Variants in LRSAM1 observed in about 807,000 individuals in gnomAD.
LRSAM1 encodes E3 ubiquitin-protein ligase LRSAM1.
Under a neutral mutation model 118.1 loss-of-function variants are expected in LRSAM1, and 96 were observed. The ratio of observed to expected loss-of-function variants is 0.81; its 90% CI spans 0.69 to 0.96. LRSAM1 has a LOEUF of 0.96. Ranked by LOEUF, LRSAM1 falls within the 40% of genes least tolerant of loss-of-function variation. The probability of loss-of-function intolerance (pLI) is 0.00; values close to 1 mark genes in which losing one functional copy is unlikely to be tolerated. For synonymous variants in LRSAM1, 322 were observed against 364.2 expected, an observed-to-expected ratio of 0.88 and a Z score of 1.32; for missense variants, 804 against 915.5, an observed-to-expected ratio of 0.88 and a Z score of 1.57.
chr9:127,482,972 T>C lies in LRSAM1; in HGVS notation c.1111T>C (p.Ser371Pro). ...TAGAATAAGAATGGAACAGTTGATG[T>C]CCATAACCCAGGAGGAGACTGAGAG... Reference protein sequence around the residue: ...NERIRMEQLMSITQEETESLR... With the variant: ...NERIRMEQLMPITQEETESLR... Residue 371 changes from serine to proline, a missense_variant, in exon 16 of 26, where the codon TCC (serine) becomes CCC (proline). Transcript: ENST00000300417. 1.3e-6 allele frequency: 2 copies of C among 1,568,024 alleles called. No homozygotes were observed. The highest frequency in any genetic ancestry group is 4.7e-5 in the East Asian group (2 of 42,524).
intron 9 of LRSAM1, among the ~76,000 whole-genome samples, chr9:127,467,321 G>A (rs1383141339): frequency 6.6e-6 from 1 of 152,230 alleles, no homozygotes; most frequent in African/African-American, 2.4e-5. Flanking sequence ...TAAATGCAGG[G>A]GCTTTATGTG....
chr9:127,471,370 C>T (rs918373909), intron 10 of LRSAM1, among the ~76,000 whole-genome samples: 1 of 144,782 alleles, frequency 6.9e-6, no homozygotes, highest in East Asian at 2.1e-4. Context: ...GCTCGGGAGT[C>T]TTAGGTGGGA....
At chr9:127,494,627 A>T (rs1056171481) in intron 21 of LRSAM1, among the ~76,000 whole-genome samples, 2 of 152,208 alleles carry the variant, frequency 1.3e-5, no homozygotes, top group African/African-American at 4.8e-5. Flanking sequence ...CTCAACGAAG[A>T]GTTATCGAAT....
intron 6 of LRSAM1, 83 bp from the exon 7 acceptor site, chr9:127,458,920 C>A: frequency 1.4e-6 from 2 of 1,399,934 alleles, no homozygotes; most frequent in Non-Finnish European, 2.0e-6. Context: ...TGTGAGGTGG[C>A]CCCAGCCCCT....
At chr9:127,461,382 G>T (rs1368005356) in intron 8 of LRSAM1, 125 bp downstream of exon 8, 1 of 764,776 alleles carries the variant, frequency 1.3e-6, no homozygotes. Context: ...GGGGGTCGCT[G>T]TAAATGGACT....
chr9:127,501,081 T>C lies in LRSAM1; in HGVS notation c.1984T>C (p.Ser662Pro). The change falls in exon 25 of 26, where the codon TCC becomes CCC. Residue 662 changes from serine (S) to proline (P), a missense_variant. Ser to Pro is a moderately conservative substitution (Grantham distance 74, BLOSUM62 -1). Transcript: ENST00000300417. ...PQEPPESVRP[S>P]APPAELEVQA... ...GGAGCCTCCTGAGTCTGTGAGGCCA[T>C]CCGCTCCCCCTGCAGAGCTGGAGGT... 1.2e-6 allele frequency: 2 copies of C among 1,613,922 alleles called. No homozygotes were observed. Among genetic ancestry groups the C allele is most frequent in the Non-Finnish European group, 1.7e-6 (2 of 1,179,982 alleles).
chr9:127,461,226 C>A lies in LRSAM1; in HGVS notation c.375C>A (p.Asn125Lys), dbSNP rs779873656. 2.2e-5 allele frequency: 36 copies of A among 1,612,246 alleles called. No homozygotes were observed. The Admixed American group carries it at 4.8e-4, about 22-fold the overall frequency. Residue 125 changes from asparagine to lysine, a missense_variant, in exon 8 of 26, where the codon AAC becomes AAA. Physicochemically the swap from Asn to Lys is moderately conservative, Grantham distance 94 (BLOSUM62 0). Transcript: ENST00000300417. ...TGCAGCTCCCACGTTCCATTGGGAA[C>A]CTGACCCAGCTCCAGACTCTCAATG... ...QLMQLPRSIG[N>K]LTQLQTLNVK...
intron 7 of LRSAM1, 66 bp from the exon 8 acceptor site, chr9:127,461,107 G>A (rs1834724428): frequency 3.9e-6 from 5 of 1,275,212 alleles, no homozygotes; most frequent in East Asian, 5.1e-5. Context: ...ACCTGCCTCG[G>A]CCTCCCAAAG....
intron 11 of LRSAM1, 95 bp from the exon 12 acceptor site, chr9:127,478,839 G>A: frequency 8.0e-7 from 1 of 1,252,888 alleles, no homozygotes; most frequent in Non-Finnish European, 1.2e-6. Context: ...GCCAGAGTTT[G>A]TATAACATCA....
chr9:127,485,100 G>A (rs1014093899), intron 16 of LRSAM1, among the ~76,000 whole-genome samples: 1 of 151,920 alleles, frequency 6.6e-6, no homozygotes, highest in Non-Finnish European at 1.5e-5. Flanking sequence ...AAGCCACCAC[G>A]CCTGGCCTAT....
At chr9:127,457,455 G>A (rs1212084649) in intron 6 of LRSAM1, 62 bp downstream of exon 6, 9 of 1,526,452 alleles carry the variant, frequency 5.9e-6, no homozygotes, top group East Asian at 2.3e-5. Flanking sequence ...GCAGCTGAGC[G>A]CCTGCTCCTT....
At chr9:127,495,899 T>C (rs1157748972) in intron 22 of LRSAM1, 65 bp from the exon 23 acceptor site, 49 of 1,594,944 alleles carry the variant, frequency 3.1e-5, no homozygotes, top group Middle Eastern at 3.3e-4. Context: ...AACCCTTCAT[T>C]TCCTGTTGTA....
chr9:127,463,950 A>G (rs1834841087), intron 9 of LRSAM1, among the ~76,000 whole-genome samples: 1 of 152,260 alleles, frequency 6.6e-6, no homozygotes, highest in African/African-American at 2.4e-5. Flanking sequence ...CCCAAGGGCC[A>G]CACAGTCACT....
intron 17 of LRSAM1, among the ~76,000 whole-genome samples, chr9:127,487,066 C>G (rs777008476): frequency 2.6e-5 from 4 of 151,934 alleles, no homozygotes; most frequent in Admixed American, 6.6e-5. Flanking sequence ...CGCCTGTAAT[C>G]CCAGCTACTT....
chr9:127,462,194 G>C, intron 8 of LRSAM1, 58 bp from the exon 9 acceptor site: 1 of 1,610,880 alleles, frequency 6.2e-7, no homozygotes, highest in Non-Finnish European at 8.5e-7. Flanking sequence ...CGGGCATCAG[G>C]CAGGAAGCTG....
At chr9:127,495,115 C>T (rs926410747) in intron 21 of LRSAM1, among the ~76,000 whole-genome samples, 1 of 152,082 alleles carries the variant, frequency 6.6e-6, no homozygotes, top group African/African-American at 2.4e-5. Flanking sequence ...CCATGCCTGG[C>T]TAGTTTTGTA....
At chr9:127,453,993 C>T (rs1032481517) in intron 2 of LRSAM1, 1 of 242,452 alleles carries the variant, frequency 4.1e-6, no homozygotes, top group Admixed American at 5.2e-5. Flanking sequence ...AGACACTGAC[C>T]CTTACCCCAT....
At position 127,478,982 on chromosome 9, in the gene LRSAM1, C is replaced by T. The variant is rs1004160893; in HGVS notation, c.780+19C>T. 3 of 1,607,336 alleles carry T rather than the reference C, an allele frequency of 1.9e-6. No individual in the cohort carries two copies. The African/African-American group carries it at 4.0e-5, about 21-fold the overall frequency. On this transcript the variant is annotated intron_variant, in intron 12 of 25. Coordinates refer to ENST00000300417, the MANE Select transcript of LRSAM1 (RefSeq NM_001005373.4). The stretch of plus-strand genomic sequence containing the variant: ...GAGGAAGGTAAGAAAATGCCTTTAC[C>T]CTTCTGTCACTCTTTTCTCATTAAA...
chr9:127,494,576 ATTGT>A (rs1836052855), intron 21 of LRSAM1, among the ~76,000 whole-genome samples: 1 of 152,260 alleles, frequency 6.6e-6, no homozygotes, highest in African/African-American at 2.4e-5. Context: ...TGTTATCAGC[ATTGT>A]TTGTTCACTG....
Sources: gnomAD v4.1 joint callset for allele counts (sites outside exome capture counted in the v4.1 genomes callset) on GRCh38, gnomAD v4.1.1 for gene constraint, MANE v1.5 for transcripts, NCBI Gene and HGNC (gene_info 2026-07-23, HGNC 2026-07-21) for gene names.